The following ITGBL1 variants were observed in gnomAD, a reference collection of about 807,000 sequenced individuals.
ITGBL1 encodes integrin subunit beta like 1, also known as integrin beta-like protein 1.
ITGBL1 carries 51 observed loss-of-function variants against 68.5 expected under a neutral mutation model. That is an observed-to-expected ratio of 0.74 (90% confidence interval 0.59 to 0.94). The LOEUF is 0.94. ITGBL1 is among the 40% of genes least tolerant of loss of function. ITGBL1 has a pLI of 0.00. For synonymous variants in ITGBL1, 209 were observed against 227.3 expected, an observed-to-expected ratio of 0.92 and a Z score of 0.72; for missense variants, 649 against 647.4, an observed-to-expected ratio of 1.00 and a Z score of -0.03.
intron 3 of ITGBL1, among the ~76,000 whole-genome samples, chr13:101,569,416 A>G (rs2050237611): frequency 6.6e-6 from 1 of 152,180 alleles, no homozygotes; most frequent in Non-Finnish European, 1.5e-5. Context: ...ATGATAAAAC[A>G]TATTTGATAC....
intron 2 of ITGBL1, among the ~76,000 whole-genome samples, chr13:101,534,620 C>T (rs191821924): frequency 6.3e-4 from 96 of 152,194 alleles, no homozygotes; most frequent in African/African-American, 1.9e-3. Flanking sequence ...TCATGATGGC[C>T]TCCATCTTCC....
chr13:101,663,906 G>C (rs1229857893), intron 7 of ITGBL1, among the ~76,000 whole-genome samples: 3 of 152,150 alleles, frequency 2.0e-5, no homozygotes, highest in Non-Finnish European at 4.4e-5. Context: ...TGGCCTAAGG[G>C]AAAGAGAGAG....
intron 7 of ITGBL1, among the ~76,000 whole-genome samples, chr13:101,615,441 A>G (rs1406562051): frequency 1.3e-5 from 2 of 152,174 alleles, no homozygotes; most frequent in Admixed American, 6.6e-5. Context: ...TTCAGAAAAT[A>G]AATGTCTTAT....
At position 101,568,268 on chromosome 13, in the gene ITGBL1, G is replaced by A. The variant is rs185672600; in HGVS notation, c.463+423G>A. Among the ~76,000 whole-genome samples, 182 of 152,186 alleles carry A rather than the reference G, an allele frequency of 1.2e-3. 1 individual carries two copies. Among genetic ancestry groups the A allele is most frequent in the Non-Finnish European group, 1.0e-4 (7 of 67,994 alleles). On this transcript the variant is annotated intron_variant, in intron 3 of 10. Coordinates refer to ENST00000376180, the MANE Select transcript of ITGBL1 (RefSeq NM_004791.3). ...TTTGATAGAAGTTTCAGATATACTGGTTATAAAGCTCTTTGAAGGATACAG... is the reference window on the plus strand; with the variant it reads ...TTTGATAGAAGTTTCAGATATACTGATTATAAAGCTCTTTGAAGGATACAG...
At chr13:101,592,528 A>ATCTCATGAT (rs1416465524) in intron 6 of ITGBL1, among the ~76,000 whole-genome samples, 13 of 152,166 alleles carry the variant, frequency 8.5e-5, no homozygotes, top group African/African-American at 3.1e-4. Context: ...ATGGAAAGAT[A>ATCTCATGAT]TCTCATGATC....
intron 9 of ITGBL1, among the ~76,000 whole-genome samples, chr13:101,707,194 A>G (rs1162108649): frequency 2.6e-5 from 4 of 152,174 alleles, no homozygotes; most frequent in Non-Finnish European, 5.9e-5. Flanking sequence ...TATACCAGAT[A>G]CTAAATGGAC....
chr13:101,564,368 A>T (rs2050147787), intron 2 of ITGBL1, among the ~76,000 whole-genome samples: 1 of 151,942 alleles, frequency 6.6e-6, no homozygotes, highest in Admixed American at 6.6e-5. Flanking sequence ...ATTGGATTTA[A>T]TTAAGATCAA....
At chr13:101,635,989 T>C (rs1396822149) in intron 7 of ITGBL1, among the ~76,000 whole-genome samples, 1 of 152,108 alleles carries the variant, frequency 6.6e-6, no homozygotes, top group Non-Finnish European at 1.5e-5. Flanking sequence ...CAATTAACTA[T>C]TAAAAATTAA....
At chr13:101,620,069 G>C (rs190978404) in intron 7 of ITGBL1, among the ~76,000 whole-genome samples, 2 of 151,868 alleles carry the variant, frequency 1.3e-5, no homozygotes, top group Non-Finnish European at 2.9e-5. Context: ...ATATTCCGTC[G>C]TTTAATCAAT....
At chr13:101,696,283 C>T (rs2034000829) in intron 8 of ITGBL1, among the ~76,000 whole-genome samples, 1 of 152,094 alleles carries the variant, frequency 6.6e-6, no homozygotes, top group Non-Finnish European at 1.5e-5. Context: ...ACTTAGAGCT[C>T]CCTCCCCAGA....
chr13:101,630,968 G>A (rs1022361426), intron 7 of ITGBL1, among the ~76,000 whole-genome samples: 2 of 152,040 alleles, frequency 1.3e-5, no homozygotes, highest in Admixed American at 6.6e-5. Context: ...TCGACTTGTC[G>A]CTTTGCTGGT....
intron 2 of ITGBL1, among the ~76,000 whole-genome samples, chr13:101,520,846 G>A (rs1182113103): frequency 2.0e-5 from 3 of 152,154 alleles, no homozygotes; most frequent in Admixed American, 6.5e-5. Flanking sequence ...GCATACTAGA[G>A]GCCAGATGTG....
intron 6 of ITGBL1, among the ~76,000 whole-genome samples, chr13:101,597,579 T>A (rs562245815): frequency 6.6e-6 from 1 of 151,708 alleles, no homozygotes; most frequent in South Asian, 2.1e-4. Flanking sequence ...TGAGACGGAG[T>A]CTCCCTCTGT....
At chr13:101,679,905 G>T (rs951207824) in intron 7 of ITGBL1, among the ~76,000 whole-genome samples, 13 of 152,252 alleles carry the variant, frequency 8.5e-5, no homozygotes, top group African/African-American at 2.9e-4. Flanking sequence ...TACAGAATTT[G>T]CTTAAATGTC....
chr13:101,680,978 GCAGGCC>G (rs2033626672), intron 7 of ITGBL1, among the ~76,000 whole-genome samples: 1 of 152,116 alleles, frequency 6.6e-6, no homozygotes, highest in African/African-American at 2.4e-5. Context: ...CTCTAACCCT[GCAGGCC>G]CTGTGTGCAC....
chr13:101,547,038 C>G (rs1319801248), intron 2 of ITGBL1, among the ~76,000 whole-genome samples: 1 of 151,798 alleles, frequency 6.6e-6, no homozygotes, highest in African/African-American at 2.4e-5. Flanking sequence ...AAAAATATCT[C>G]TTGGAAATCT....
Position 101,715,543 on chromosome 13 carries a change from C to G in ITGBL1, c.1394-20C>G. Reference sequence around the variant, plus strand: ...CACATTTTGATCATAATCATGATACCTATATGTATTTTATTGCAGGGAATG... The same window carrying G: ...CACATTTTGATCATAATCATGATACGTATATGTATTTTATTGCAGGGAATG... On this transcript the variant is annotated intron_variant, in intron 10 of 10. Coordinates refer to ENST00000376180, the MANE Select transcript of ITGBL1 (RefSeq NM_004791.3). The G allele has an allele frequency of 6.5e-7, 1 of 1,534,746 alleles. No individual in the cohort carries two copies.
chr13:101,581,250 G>A (rs2050452763), intron 5 of ITGBL1, among the ~76,000 whole-genome samples: 1 of 152,124 alleles, frequency 6.6e-6, no homozygotes, highest in African/African-American at 2.4e-5. Context: ...TGGCTGAGAA[G>A]CTGCTTCTTC....
At chr13:101,667,326 C>T (rs2033245437) in intron 7 of ITGBL1, among the ~76,000 whole-genome samples, 1 of 152,228 alleles carries the variant, frequency 6.6e-6, no homozygotes, top group Admixed American at 6.5e-5. Flanking sequence ...TTTGAATATA[C>T]TGACGTTTTT....
Sources: gnomAD v4.1 joint callset for allele counts (sites outside exome capture counted in the v4.1 genomes callset) on GRCh38, gnomAD v4.1.1 for gene constraint, MANE v1.5 for transcripts, NCBI Gene and HGNC (gene_info 2026-07-23, HGNC 2026-07-21) for gene names.